FILIP1L: variants seen among roughly 807,000 people sequenced by gnomAD.
The protein encoded by FILIP1L is filamin A interacting protein 1 like, also known as filamin A-interacting protein 1-like.
A neutral mutation model predicts 96.6 loss-of-function variants in FILIP1L; 55 were observed. The ratio of observed to expected loss-of-function variants is 0.57; its 90% CI spans 0.46 to 0.71. The LOEUF is 0.71. Among genes scored for constraint, FILIP1L ranks in the 30% least tolerant of loss-of-function variants. The pLI is 0.00. For synonymous variants in FILIP1L, 467 were observed against 473.9 expected, an observed-to-expected ratio of 0.99 and a Z score of 0.19; for missense variants, 1,304 against 1,321.2, an observed-to-expected ratio of 0.99 and a Z score of 0.20.
chr3:99,951,478 G>A (rs1430858071), intron 1 of FILIP1L, among the ~76,000 whole-genome samples: 1 of 152,192 alleles, frequency 6.6e-6, no homozygotes, highest in African/African-American at 2.4e-5. Flanking sequence ...CAAATGATGA[G>A]ATTTTGTTTT....
intron 1 of FILIP1L, among the ~76,000 whole-genome samples, chr3:100,056,058 C>T (rs1353746615): frequency 1.3e-5 from 2 of 152,146 alleles, no homozygotes; most frequent in African/African-American, 4.8e-5. Context: ...TTCATATTTG[C>T]TCAAAGTAGC....
At position 99,850,068 on chromosome 3, in the gene FILIP1L, A is replaced by C; in HGVS notation, c.1608T>G (p.Thr536=). The C allele has an allele frequency of 6.2e-7, 1 of 1,612,514 alleles. No individual in the cohort carries two copies. Among genetic ancestry groups the C allele is most frequent in the Non-Finnish European group, 8.5e-7 (1 of 1,179,648 alleles). ...QVEQNKVTTV[T]EKLIEETKRA... ...TTTTAGTTTCCTCAATTAACTTCTC[A>C]GTAACTGTTGTTACTTTATTTTGCT... is the stretch of plus-strand genomic sequence containing the variant. The change falls in exon 5 of 6, where the codon ACT becomes ACG. Residue 536 remains threonine, a synonymous_variant. Transcript: ENST00000477258.
intron 4 of FILIP1L, among the ~76,000 whole-genome samples, chr3:99,854,006 G>A (rs911504372): frequency 2.0e-5 from 3 of 152,182 alleles, no homozygotes; most frequent in Non-Finnish European, 4.4e-5. Flanking sequence ...GTACATGTGT[G>A]TCAGAGAGAG....
At position 99,983,292 on chromosome 3, in the gene FILIP1L, G is replaced by A. The variant is rs947601299; in HGVS notation, c.-10-52262C>T. The stretch of plus-strand genomic sequence containing the variant: ...CTCATGCCTGTAATCCTAACACTTT[G>A]GGAGGCCAAGGCAGGCGGATCACCT... On this transcript the variant is annotated intron_variant, in intron 1 of 5. Transcript: ENST00000477258. Among the ~76,000 whole-genome samples, 4 of 150,134 alleles carry A rather than the reference G, an allele frequency of 2.7e-5. No homozygotes were observed. The South Asian group carries it at 8.5e-4, about 32-fold the overall frequency.
At chr3:100,062,093 CTTTTTTTTTTTTTTTTTTTT>C (rs71907944) in intron 1 of FILIP1L, among the ~76,000 whole-genome samples, 10 of 53,180 alleles carry the variant, frequency 1.9e-4, no homozygotes, top group African/African-American at 4.4e-4. Context: ...CTGTCTTCTT[CTTTTTTTTTTTTTTTTTTTT>C]TTTTTTTTTT....
intron 4 of FILIP1L, among the ~76,000 whole-genome samples, chr3:99,883,588 CAA>C (rs1268808858): frequency 6.6e-6 from 1 of 152,144 alleles, no homozygotes; most frequent in Non-Finnish European, 1.5e-5. Context: ...ACTGTTGAGT[CAA>C]AGAGCTTACT....
intron 1 of FILIP1L, among the ~76,000 whole-genome samples, chr3:100,085,415 T>G (rs1287121884): frequency 6.6e-6 from 1 of 152,206 alleles, no homozygotes; most frequent in African/African-American, 2.4e-5. Context: ...GGTCTTTTTA[T>G]ACAAATGTTG....
chr3:99,984,048 A>ATGTGTG (rs367846393), intron 1 of FILIP1L, among the ~76,000 whole-genome samples: 3 of 147,582 alleles, frequency 2.0e-5, no homozygotes, highest in East Asian at 2.0e-4. Context: ...AAGGATGTAT[A>ATGTGTG]TGTATGTGTG....
chr3:100,093,697 T>A (rs2066153381), intron 1 of FILIP1L, among the ~76,000 whole-genome samples: 2 of 152,310 alleles, frequency 1.3e-5, no homozygotes, highest in South Asian at 4.1e-4. Context: ...CCACAACCAT[T>A]TTCCTCCCAT....
In FILIP1L at chr3:99,935,735, G is replaced by A. The variant is rs543671257; in HGVS notation, c.-10-4705C>T. 1.6e-4 allele frequency among the ~76,000 whole-genome samples: 24 copies of A among 152,298 alleles called. 1 individual carries two copies. In the South Asian group the frequency reaches 3.7e-3, roughly 24 times the overall value. ...GACTCTCTGTTGTCTTGTATCTATG[G>A]ATACAAATACAGTGCAGTTGGCAGT... On this transcript the variant is annotated intron_variant, in intron 1 of 5. Transcript: ENST00000477258.
chr3:100,038,786 G>C (rs187977056), intron 1 of FILIP1L, among the ~76,000 whole-genome samples: 8 of 152,208 alleles, frequency 5.3e-5, no homozygotes, highest in African/African-American at 1.9e-4. Flanking sequence ...CAGGTGCCAA[G>C]CCACGGTGCC....
At chr3:100,066,661 AG>A (rs2065670326) in intron 1 of FILIP1L, among the ~76,000 whole-genome samples, 1 of 126,780 alleles carries the variant, frequency 7.9e-6, no homozygotes, top group African/African-American at 2.8e-5. Flanking sequence ...CCTCCCAAGT[AG>A]CTGGGACTAC....
chr3:99,916,437 T>C lies in FILIP1L; in HGVS notation c.605+7793A>G, dbSNP rs529376615. Among the ~76,000 whole-genome samples the C allele has an allele frequency of 3.8e-3, 526 of 137,176 alleles. 3 individuals carry two copies. Among genetic ancestry groups the C allele is most frequent in the African/African-American group, 0.014 (498 of 36,000 alleles). 90.0% of individuals were successfully genotyped at this position (137,176 alleles called of 152,430 possible). A position where few individuals can be genotyped will look rare whatever the true frequency, so the allele number is the denominator to read the frequency against. ...GCCAACACTTTATAATAACGGTTTA[T>C]ACACACACACACACACACACACACA... On this transcript the variant is annotated intron_variant, in intron 4 of 5. Transcript: ENST00000477258.
chr3:100,034,955 A>C (rs924407160), intron 1 of FILIP1L, among the ~76,000 whole-genome samples: 2 of 152,194 alleles, frequency 1.3e-5, no homozygotes, highest in South Asian at 4.1e-4. Context: ...TTTAAGTATC[A>C]AAAAACAACT....
intron 1 of FILIP1L, among the ~76,000 whole-genome samples, chr3:99,967,953 C>G (rs1708702148): frequency 1.3e-5 from 2 of 152,152 alleles, no homozygotes; most frequent in South Asian, 4.1e-4. Context: ...AGAAAAGCAT[C>G]ACAGTACTTC....
At chr3:100,063,746 T>G (rs1351136071) in intron 1 of FILIP1L, among the ~76,000 whole-genome samples, 1 of 152,200 alleles carries the variant, frequency 6.6e-6, no homozygotes, top group Non-Finnish European at 1.5e-5. Flanking sequence ...AAAGTCAACC[T>G]GAATAAAATT....
intron 4 of FILIP1L, among the ~76,000 whole-genome samples, chr3:99,906,881 C>A (rs1272039009): frequency 6.6e-6 from 1 of 152,138 alleles, no homozygotes; most frequent in Non-Finnish European, 1.5e-5. Context: ...CCCTACCATG[C>A]CCTATAACAG....
In FILIP1L at chr3:99,850,212, C is replaced by A. The variant is rs547554598; in HGVS notation, c.1464G>T (p.Glu488Asp). Residue 488 changes from glutamate (E) to aspartate (D), a missense_variant, in exon 5 of 6, where the codon GAG (glutamate) becomes GAT (aspartate). Coordinates refer to ENST00000477258, the MANE Select transcript of FILIP1L (RefSeq NM_001387850.1). ...RLEKTEFTLK[E>D]DLTKLKTLTV... is the part of the protein sequence containing the mutation. ...TTAATGTTTTCAGTTTAGTTAAATC[C>A]TCTTTTAGAGTGAATTCTGTCTTTT... 6 of 1,613,136 alleles carry A rather than the reference C, an allele frequency of 3.7e-6. No homozygotes were observed. In the East Asian group the frequency reaches 1.3e-4, roughly 36 times the overall value.
chr3:99,890,181 A>G (rs1053792053), intron 4 of FILIP1L, among the ~76,000 whole-genome samples: 25 of 152,142 alleles, frequency 1.6e-4, no homozygotes, highest in African/African-American at 5.1e-4. Flanking sequence ...CTGTCAGTAC[A>G]TTGAAGATAT....
Sources: gnomAD v4.1 joint callset for allele counts (sites outside exome capture counted in the v4.1 genomes callset) on GRCh38, gnomAD v4.1.1 for gene constraint, MANE v1.5 for transcripts, NCBI Gene and HGNC (gene_info 2026-07-23, HGNC 2026-07-21) for gene names.